Variants in TRPM3 observed in about 807,000 individuals in gnomAD.
The protein encoded by TRPM3 is long transient receptor potential channel 3.
Under a neutral mutation model 181.2 loss-of-function variants are expected in TRPM3, and 77 were observed. That is an observed-to-expected ratio of 0.42 (90% CI 0.35 to 0.51). The LOEUF (loss-of-function observed/expected upper bound fraction) is 0.51, where lower values mean the gene tolerates loss of function less well. TRPM3 is among the 20% of genes least tolerant of loss of function. TRPM3 has a pLI of 0.01. For synonymous variants in TRPM3, 745 were observed against 796.4 expected (o/e 0.94, Z 1.09); for missense variants, 1,759 against 2,196.7 (o/e 0.80, Z 3.98).
At chr9:71,291,976 T>G (rs1044589077) in intron 1 of TRPM3, among the ~76,000 whole-genome samples, 2 of 151,908 alleles carry the variant, frequency 1.3e-5, no homozygotes, top group Non-Finnish European at 2.9e-5. Context: ...ATCATGTTCT[T>G]TTACTACAAC....
chr9:71,446,259 C>A (rs1391323117), intron 1 of TRPM3, among the ~76,000 whole-genome samples: 1 of 152,168 alleles, frequency 6.6e-6, no homozygotes, highest in African/African-American at 2.4e-5. Flanking sequence ...CTATTCCGCC[C>A]TCATTCAGCG....
chr9:70,685,449 A>G (rs2066500467), intron 8 of TRPM3, among the ~76,000 whole-genome samples: 1 of 152,236 alleles, frequency 6.6e-6, no homozygotes. Context: ...TCTGTTGCCC[A>G]GGCTGGAGTG....
intron 14 of TRPM3, among the ~76,000 whole-genome samples, chr9:70,624,709 A>C (rs541278321): frequency 8.5e-5 from 13 of 152,238 alleles, no homozygotes; most frequent in Non-Finnish European, 7.3e-5. Context: ...CCACAAGTAG[A>C]TATCTAGCCC....
At chr9:71,296,848 C>A (rs749591648) in intron 1 of TRPM3, among the ~76,000 whole-genome samples, 1 of 152,028 alleles carries the variant, frequency 6.6e-6, no homozygotes, top group Non-Finnish European at 1.5e-5. Context: ...AAAGAACTTA[C>A]TAATTGAGCT....
Position 71,436,390 on chromosome 9 carries a change from C to A in TRPM3, c.183+10263G>T, listed in dbSNP as rs183627123. On this transcript the variant is annotated intron_variant, in intron 1 of 24. Coordinates refer to the TRPM3 transcript ENST00000357533. ...TGATCTCGGCTCACTGCAATCTCTG[C>A]CTCCTGGGTTCGAGCGATTCCCCTG... 1.8e-3 allele frequency among the ~76,000 whole-genome samples: 263 copies of A among 148,038 alleles called. 1 individual carries two copies. The highest frequency in any genetic ancestry group is 6.3e-3 in the African/African-American group (253 of 39,876).
At chr9:70,835,215 A>G (rs1049704277) in intron 5 of TRPM3, among the ~76,000 whole-genome samples, 7 of 152,158 alleles carry the variant, frequency 4.6e-5, no homozygotes, top group African/African-American at 1.7e-4. Context: ...GAACCCTGAG[A>G]CAAATAAACC....
intron 1 of TRPM3, among the ~76,000 whole-genome samples, chr9:70,962,455 A>C (rs2097145669): frequency 6.6e-6 from 1 of 152,120 alleles, no homozygotes; most frequent in African/African-American, 2.4e-5. Flanking sequence ...TAAGCTTTCA[A>C]GTCTCTCTGG....
intron 1 of TRPM3, among the ~76,000 whole-genome samples, chr9:70,969,779 T>TATATATATATATATATATATATATATAC (rs900528837): frequency 4.3e-5 from 6 of 139,844 alleles, no homozygotes; most frequent in African/African-American, 1.6e-4. Context: ...TATATATATA[T>TATATATATATATATATATATATATATAC]ACACACACAC....
chr9:70,680,434 CA>C (rs1276808413), intron 9 of TRPM3, among the ~76,000 whole-genome samples: 3 of 152,158 alleles, frequency 2.0e-5, no homozygotes, highest in Non-Finnish European at 2.9e-5. Flanking sequence ...TCTGAGTTTT[CA>C]TTTTGGAATG....
intron 12 of TRPM3, among the ~76,000 whole-genome samples, chr9:70,628,727 C>A (rs1308555586): frequency 6.9e-6 from 1 of 145,848 alleles, no homozygotes; most frequent in Non-Finnish European, 1.5e-5. Context: ...GAGGCTGAGG[C>A]AGAATCGCTT....
chr9:70,610,919 T>A (rs1280392212), intron 18 of TRPM3, among the ~76,000 whole-genome samples, 170 bp from the exon 19 acceptor site: 1 of 152,168 alleles, frequency 6.6e-6, no homozygotes, highest in Non-Finnish European at 1.5e-5. Flanking sequence ...ACACGTATAA[T>A]CTGTGAATAC....
intron 1 of TRPM3, among the ~76,000 whole-genome samples, chr9:71,387,123 G>C (rs974809086): frequency 5.3e-5 from 8 of 152,152 alleles, no homozygotes; most frequent in Non-Finnish European, 8.8e-5. Context: ...TATGAGGTTA[G>C]AAGGAATAAA....
At chr9:70,846,838 G>A (rs544243947) in intron 3 of TRPM3, among the ~76,000 whole-genome samples, 5 of 152,106 alleles carry the variant, frequency 3.3e-5, no homozygotes, top group Non-Finnish European at 5.9e-5. Flanking sequence ...AAAATGCTGT[G>A]CAAGCATGAC....
chr9:70,596,000 G>A (rs2058950093), intron 21 of TRPM3, among the ~76,000 whole-genome samples: 1 of 152,094 alleles, frequency 6.6e-6, no homozygotes. Flanking sequence ...GTAGGGTTAG[G>A]AATACAGCAT....
chr9:70,928,293 C>T (rs992081742), intron 1 of TRPM3, among the ~76,000 whole-genome samples: 1 of 152,184 alleles, frequency 6.6e-6, no homozygotes, highest in African/African-American at 2.4e-5. Flanking sequence ...CTATTACAGG[C>T]ATTTAGACTT....
In TRPM3 at chr9:71,133,292, C is replaced by CTTTTTTTTTTTTTTTTTTTTTTTT. The variant is rs761379173; in HGVS notation, c.184-268782_184-268781insAAAAAAAAAAAAAAAAAAAAAAAA. ...CATTTGTAATTCTTCTAGCAAATTG[C>CTTTTTTTTTTTTTTTTTTTTTTTT]TTTTTTTTTTTTTTTTTTTGAGACA... On this transcript the variant is annotated intron_variant, in intron 1 of 24. Coordinates refer to the TRPM3 transcript ENST00000357533. 8.3e-5 allele frequency among the ~76,000 whole-genome samples: 6 copies of CTTTTTTTTTTTTTTTTTTTTTTTT among 72,306 alleles called. 2 individuals are homozygous for CTTTTTTTTTTTTTTTTTTTTTTTT. Among genetic ancestry groups the CTTTTTTTTTTTTTTTTTTTTTTTT allele is most frequent in the Non-Finnish European group, 1.5e-4 (6 of 40,208 alleles). The allele number at this position is 72,306 out of a possible 152,430, so 47.4% of individuals were successfully genotyped here. A position where few individuals can be genotyped will look rare whatever the true frequency, so the allele number is the denominator to read the frequency against.
chr9:71,344,857 A>G (rs2091197679), intron 1 of TRPM3, among the ~76,000 whole-genome samples: 1 of 152,242 alleles, frequency 6.6e-6, no homozygotes, highest in Non-Finnish European at 1.5e-5. Flanking sequence ...ACAATATATA[A>G]GGAACTCTTG....
intron 1 of TRPM3, among the ~76,000 whole-genome samples, chr9:70,893,533 C>T (rs575928841): frequency 1.6e-4 from 25 of 152,068 alleles, no homozygotes; most frequent in Middle Eastern, 3.4e-3. Flanking sequence ...ATGGTGACTA[C>T]GAATGGTTTA....
intron 3 of TRPM3, among the ~76,000 whole-genome samples, chr9:70,848,414 C>T (rs1457880389): frequency 6.6e-6 from 1 of 151,964 alleles, no homozygotes; most frequent in Non-Finnish European, 1.5e-5. Flanking sequence ...GGGGAGGAGG[C>T]AATATTGGAA....
Sources: gnomAD v4.1 joint callset for allele counts (sites outside exome capture counted in the v4.1 genomes callset) on GRCh38, gnomAD v4.1.1 for gene constraint, MANE v1.5 for transcripts, NCBI Gene and HGNC (gene_info 2026-07-23, HGNC 2026-07-21) for gene names.